Variants in MIPEP observed in about 807,000 individuals in gnomAD.
MIPEP encodes mitochondrial intermediate peptidase.
Under a neutral mutation model 90.3 loss-of-function variants are expected in MIPEP, and 79 were observed. The ratio of observed to expected loss-of-function variants is 0.87; its 90% CI spans 0.73 to 1.05. MIPEP has a LOEUF of 1.05. MIPEP is among the 50% of genes least tolerant of loss of function. MIPEP has a pLI of 0.00. For synonymous variants in MIPEP, 334 were observed against 315.8 expected, an observed-to-expected ratio of 1.06 and a Z score of -0.61; for missense variants, 940 against 905.6, an observed-to-expected ratio of 1.04 and a Z score of -0.49.
intron 17 of MIPEP, among the ~76,000 whole-genome samples, chr13:23,757,672 G>A (rs1047069738): frequency 2.2e-4 from 33 of 152,298 alleles, no homozygotes; most frequent in African/African-American, 7.5e-4. Flanking sequence ...GAGTGTGCGG[G>A]TGATAAAGGC....
rs1871483707 is a variant in MIPEP, at chr13:23,886,403, G to A, written c.293C>T (p.Thr98Ile). Reference sequence around the variant, plus strand: ...CAGCACGGTCTGGGGCCCAGGTGGGGTGGAACATGCACGGTCCACAAGCAA... The same window carrying A: ...CAGCACGGTCTGGGGCCCAGGTGGGATGGAACATGCACGGTCCACAAGCAA... ...TELLVDRACS[T>I]PPGPQTVLIF... Residue 98 changes from threonine (T) to isoleucine (I), a missense_variant, in exon 2 of 19, where the codon ACC becomes ATC. Transcript: ENST00000382172. 1 of 1,607,994 alleles carries A rather than the reference G, an allele frequency of 6.2e-7. No individual in the cohort carries two copies. Among genetic ancestry groups the A allele is most frequent in the Admixed American group, 1.7e-5 (1 of 59,338 alleles).
intron 16 of MIPEP, among the ~76,000 whole-genome samples, chr13:23,772,931 T>C (rs1952669305): frequency 6.6e-6 from 1 of 152,110 alleles, no homozygotes; most frequent in Non-Finnish European, 1.5e-5. Flanking sequence ...AAGTGTACAC[T>C]TAAATGGTTT....
At chr13:23,838,362 G>A (rs1347916236) in intron 12 of MIPEP, among the ~76,000 whole-genome samples, 2 of 151,938 alleles carry the variant, frequency 1.3e-5, no homozygotes, top group Non-Finnish European at 2.9e-5. Context: ...TGCCAGGGCT[G>A]GTCTTGAACT....
intron 7 of MIPEP, 131 bp from the exon 8 acceptor site, chr13:23,864,320 T>A: frequency 1.5e-6 from 1 of 656,360 alleles, no homozygotes; most frequent in Non-Finnish European, 2.6e-6. Flanking sequence ...CAAAGGGAAG[T>A]AGAGCTACCA....
intron 18 of MIPEP, among the ~76,000 whole-genome samples, chr13:23,748,014 C>A (rs1462670501): frequency 6.6e-6 from 1 of 152,140 alleles, no homozygotes; most frequent in Non-Finnish European, 1.5e-5. Context: ...GCTGGTATTA[C>A]AGGCATGAGC....
intron 10 of MIPEP, among the ~76,000 whole-genome samples, chr13:23,853,814 C>T: frequency 6.6e-6 from 1 of 151,914 alleles, no homozygotes; most frequent in East Asian, 2.0e-4. Flanking sequence ...GATCCACCCG[C>T]CTCAGCCTCC....
chr13:23,788,222 C>T (rs1467981858), intron 16 of MIPEP, among the ~76,000 whole-genome samples: 1 of 152,202 alleles, frequency 6.6e-6, no homozygotes, highest in Non-Finnish European at 1.5e-5. Flanking sequence ...GTATACTTTC[C>T]TATCAGTTTT....
At chr13:23,871,087 T>A (rs1262581890) in intron 5 of MIPEP, among the ~76,000 whole-genome samples, 1 of 152,164 alleles carries the variant, frequency 6.6e-6, no homozygotes, top group Non-Finnish European at 1.5e-5. Flanking sequence ...AATGATACAG[T>A]GAAGTCTAAG....
At chr13:23,842,954 C>T (rs1263132415) in intron 10 of MIPEP, among the ~76,000 whole-genome samples, 1 of 151,882 alleles carries the variant, frequency 6.6e-6, no homozygotes, top group African/African-American at 2.4e-5. Flanking sequence ...AAAAATTAGC[C>T]GGGTGTGGTG....
chr13:23,743,367 G>A (rs1223414097), intron 18 of MIPEP, among the ~76,000 whole-genome samples: 1 of 152,184 alleles, frequency 6.6e-6, no homozygotes, highest in African/African-American at 2.4e-5. Context: ...TCACCATCTT[G>A]ACTTTGAAGT....
Position 23,836,353 on chromosome 13 carries a change from A to C in MIPEP, c.1544-4T>G. The C allele has an allele frequency of 6.5e-7, 1 of 1,547,332 alleles. No individual in the cohort carries two copies. The highest frequency in any genetic ancestry group is 8.7e-7 in the Non-Finnish European group (1 of 1,150,546). On this transcript the variant is annotated splice_region_variant and splice_polypyrimidine_tract_variant and intron_variant, in intron 13 of 18. Coordinates refer to ENST00000382172, the MANE Select transcript of MIPEP (RefSeq NM_005932.4). ...AAATCAGTAGGGCACCTGGTCCCTA[A>C]AACAAGAAAAAAAAAAAAGTTGGCA...
intron 18 of MIPEP, among the ~76,000 whole-genome samples, chr13:23,752,253 A>G (rs966257473): frequency 1.3e-5 from 2 of 152,272 alleles, no homozygotes; most frequent in African/African-American, 4.8e-5. Context: ...ACAGAGGGCA[A>G]TATGAAAACT....
At position 23,757,440 on chromosome 13, in the gene MIPEP, G is replaced by C. The variant is rs551882799; in HGVS notation, c.1971-822C>G. 1.4e-3 allele frequency among the ~76,000 whole-genome samples: 206 copies of C among 152,194 alleles called. 1 individual carries two copies. The highest frequency in any genetic ancestry group is 2.3e-3 in the Non-Finnish European group (159 of 68,008). ...GTTGGGGACTCCTGTTACAGAATAA[G>C]TAAAATATTACATTTTATTCTCTAT... On this transcript the variant is annotated intron_variant, in intron 17 of 18. Coordinates refer to ENST00000382172, the MANE Select transcript of MIPEP (RefSeq NM_005932.4).
intron 14 of MIPEP, among the ~76,000 whole-genome samples, chr13:23,815,636 T>C (rs1040727763): frequency 2.6e-5 from 4 of 152,178 alleles, no homozygotes; most frequent in African/African-American, 9.6e-5. Context: ...ATTTATAAAA[T>C]AGCCGATTAT....
At chr13:23,781,947 T>C (rs1593151096) in intron 16 of MIPEP, among the ~76,000 whole-genome samples, 1 of 151,804 alleles carries the variant, frequency 6.6e-6, no homozygotes, top group East Asian at 1.9e-4. Flanking sequence ...GCACCCAGAT[T>C]CATAAAGCAA....
chr13:23,869,843 T>G (rs1354994511), intron 6 of MIPEP, among the ~76,000 whole-genome samples, 170 bp downstream of exon 6: 1 of 152,256 alleles, frequency 6.6e-6, no homozygotes, highest in African/African-American at 2.4e-5. Flanking sequence ...TAAATCATTT[T>G]CATTCTTTAA....
chr13:23,870,292 ATTG>A (rs1870733617), intron 5 of MIPEP, 97 bp from the exon 6 acceptor site: 1 of 659,586 alleles, frequency 1.5e-6, no homozygotes, highest in Non-Finnish European at 2.3e-6. Context: ...CAACATATAT[ATTG>A]TTGAATTATC....
At chr13:23,761,729 C>T (rs1952546666) in intron 16 of MIPEP, among the ~76,000 whole-genome samples, 1 of 152,224 alleles carries the variant, frequency 6.6e-6, no homozygotes, top group Non-Finnish European at 1.5e-5. Context: ...TCCTCAAAGG[C>T]TACACTTAGG....
chr13:23,730,737 G>A (rs890128757), intron 18 of MIPEP, among the ~76,000 whole-genome samples: 3 of 152,184 alleles, frequency 2.0e-5, no homozygotes, highest in Admixed American at 6.5e-5. Context: ...TACCCTTAGA[G>A]ACTGATATTA....
Sources: gnomAD v4.1 joint callset for allele counts (sites outside exome capture counted in the v4.1 genomes callset) on GRCh38, gnomAD v4.1.1 for gene constraint, MANE v1.5 for transcripts, NCBI Gene and HGNC (gene_info 2026-07-23, HGNC 2026-07-21) for gene names.